Variants in GPI observed in about 807,000 individuals in gnomAD.
GPI encodes the protein glucose-6-phosphate isomerase.
In GPI, 56 loss-of-function variants were observed where a neutral mutation model predicts 75.8. That is an observed-to-expected ratio of 0.74 (90% CI 0.60 to 0.92). The LOEUF is 0.92. GPI is among the 40% of genes least tolerant of loss of function. GPI has a pLI of 0.00. For missense variants in GPI, 638 were observed against 741.0 expected (o/e 0.86, Z 1.61); for synonymous variants, 288 against 285.4 (o/e 1.01, Z -0.09).
chr19:34,360,774 T>A (rs1321741969), upstream of GPI, among the ~76,000 whole-genome samples: 1 of 152,080 alleles, frequency 6.6e-6, no homozygotes, highest in East Asian at 1.9e-4. Context: ...TTGTTTCATA[T>A]TTCTTTCTTT....
At chr19:34,377,076 G>A (rs1279336011) in intron 4 of GPI, among the ~76,000 whole-genome samples, 2 of 151,538 alleles carry the variant, frequency 1.3e-5, no homozygotes, top group Admixed American at 6.6e-5. Context: ...GCTGAGGCGG[G>A]CAGATCACAG....
At chr19:34,386,725 ATCTC>A (rs1269717192) in intron 9 of GPI, among the ~76,000 whole-genome samples, 2 of 152,202 alleles carry the variant, frequency 1.3e-5, no homozygotes, top group African/African-American at 4.8e-5. Context: ...AGGTAGATGT[ATCTC>A]TCTCAAGCAA....
upstream of GPI, among the ~76,000 whole-genome samples, chr19:34,361,016 G>A (rs181461684): frequency 1.2e-4 from 19 of 152,130 alleles, no homozygotes; most frequent in Middle Eastern, 0.01. Context: ...GGCTTCAAGT[G>A]ATCCACCTGC....
Position 34,393,267 on chromosome 19 carries a change from C to G in GPI, c.824C>G (p.Ser275Trp). Residue 275 changes from serine to tryptophan, a missense_variant, in exon 10 of 18, where the codon TCG becomes TGG. Transcript: ENST00000356487. The surrounding 1 kb of genome is among the most constrained non-coding windows in gnomAD (Gnocchi z 4.4). ...EFWDWVGGRY[S>W]LWSAIGLSIA... ...TCCTAGTGGGTGGGAGGACGCTACT[C>G]GCTGTGGTCGGCCATCGGACTCTCC... 6.2e-7 allele frequency: 1 copy of G among 1,613,338 alleles called. No homozygotes were observed. Among genetic ancestry groups the G allele is most frequent in the South Asian group, 1.1e-5 (1 of 91,066 alleles).
intron 4 of GPI, among the ~76,000 whole-genome samples, chr19:34,373,375 C>G (rs546965656): frequency 1.3e-5 from 2 of 148,190 alleles, no homozygotes; most frequent in South Asian, 4.2e-4. Flanking sequence ...GGTGACAGAG[C>G]GAGACTCTGT....
chr19:34,393,455 C>T lies in GPI; in HGVS notation c.865+147C>T. The T allele has an allele frequency of 1.2e-6, 1 of 801,694 alleles. No homozygotes were observed. The highest frequency in any genetic ancestry group is 1.4e-5 in the South Asian group (1 of 71,170). The allele number at this position is 801,694 out of a possible 1,614,324, so 49.7% of individuals were successfully genotyped here. A position where few individuals can be genotyped will look rare whatever the true frequency, so the allele number is the denominator to read the frequency against. On this transcript the variant is annotated intron_variant, in intron 10 of 17. Transcript: ENST00000356487. The surrounding 1 kb of genome is among the most constrained non-coding windows in gnomAD (Gnocchi z 4.4). ...CTGGCTGGGATATTTATTTCATGTC[C>T]AGAAGGAAGGTCTGGGTTTTTTTGC...
Position 34,396,566 on chromosome 19 carries a change from C to T in GPI, c.1193-15C>T. 1 of 1,613,778 alleles carries T rather than the reference C, an allele frequency of 6.2e-7. No individual in the cohort carries two copies. Among genetic ancestry groups the T allele is most frequent in the Non-Finnish European group, 8.5e-7 (1 of 1,179,612 alleles). ...TGGGCTGGGGTCATGTGGGTGACCACAGTGCCCTTCACAGGCACCAAGATG... is the reference window on the plus strand; with the variant it reads ...TGGGCTGGGGTCATGTGGGTGACCATAGTGCCCTTCACAGGCACCAAGATG... On this transcript the variant is annotated splice_polypyrimidine_tract_variant and intron_variant, in intron 13 of 17. Coordinates refer to ENST00000356487, the MANE Select transcript of GPI (RefSeq NM_000175.5).
At chr19:34,382,299 T>C (rs2074667067) in intron 9 of GPI, among the ~76,000 whole-genome samples, 1 of 152,166 alleles carries the variant, frequency 6.6e-6, no homozygotes, top group Non-Finnish European at 1.5e-5. Flanking sequence ...TGGGGCTGTC[T>C]CCAGGCATTT....
In GPI at chr19:34,396,697, C is replaced by T. The variant is rs550420276; in HGVS notation, c.1269+40C>T. 3.0e-4 allele frequency: 450 copies of T among 1,515,830 alleles called. 2 individuals are homozygous for T. Among genetic ancestry groups the T allele is most frequent in the Middle Eastern group, 2.7e-3 (16 of 5,876 alleles). 93.9% of individuals were successfully genotyped at this position (1,515,830 alleles called of 1,614,324 possible). A position where few individuals can be genotyped will look rare whatever the true frequency, so the allele number is the denominator to read the frequency against. On this transcript the variant is annotated intron_variant, in intron 14 of 17. Transcript: ENST00000356487. ...CTGGCCCCATCTGGGGGGTCTGGCT[C>T]ACATTGCACCCAGACCTCTGAAAAC...
intron 9 of GPI, among the ~76,000 whole-genome samples, chr19:34,387,935 G>T (rs2074762710): frequency 6.6e-6 from 1 of 152,186 alleles, no homozygotes; most frequent in East Asian, 1.9e-4. Context: ...ACAATTAGGT[G>T]AGTAGTGTGG....
intron 12 of GPI, among the ~76,000 whole-genome samples, chr19:34,395,500 C>G (rs1568348601): frequency 6.6e-6 from 1 of 152,172 alleles, no homozygotes; most frequent in Non-Finnish European, 1.5e-5. Flanking sequence ...AATGATTCTA[C>G]CACTGTACTC....
At chr19:34,371,427 G>A (rs2074450849) in intron 4 of GPI, among the ~76,000 whole-genome samples, 1 of 152,178 alleles carries the variant, frequency 6.6e-6, no homozygotes, top group Non-Finnish European at 1.5e-5. Context: ...AGGGATTAGG[G>A]AGCTATAGTT....
At chr19:34,379,990 G>GT (rs953154032) in intron 8 of GPI, 1,993 of 102,376 alleles carry the variant, frequency 0.019, 49 homozygotes, top group South Asian at 0.039. Flanking sequence ...GTGTGGTTTT[G>GT]TTTTTTTTTT....
intron 6 of GPI, 48 bp from the exon 7 acceptor site, chr19:34,378,886 C>T (rs1482555599): frequency 2.8e-6 from 4 of 1,440,740 alleles, no homozygotes; most frequent in South Asian, 1.1e-5. Flanking sequence ...TCAAGGCCTG[C>T]ACCCACCCCT....
chr19:34,381,919 T>C (rs1339239748), intron 9 of GPI, among the ~76,000 whole-genome samples: 2 of 152,060 alleles, frequency 1.3e-5, no homozygotes, highest in East Asian at 3.9e-4. Flanking sequence ...CGGGTAGGCC[T>C]GGAAAGGAGC....
At chr19:34,383,149 C>T (rs559253080) in intron 9 of GPI, among the ~76,000 whole-genome samples, 23 of 152,190 alleles carry the variant, frequency 1.5e-4, no homozygotes, top group African/African-American at 4.8e-4. Flanking sequence ...CGGGATCAGG[C>T]AGGGGTGTGG....
At chr19:34,392,027 T>TGG (rs2074850856) in intron 9 of GPI, among the ~76,000 whole-genome samples, 1 of 2,330 alleles carries the variant, frequency 4.3e-4, no homozygotes, top group African/African-American at 1.3e-3. Flanking sequence ...ATCTGGGTCT[T>TGG]TCAATGTCTG....
intron 6 of GPI, 45 bp downstream of exon 6, chr19:34,377,926 G>C (rs1464457570): frequency 1.9e-6 from 3 of 1,601,510 alleles, no homozygotes; most frequent in Non-Finnish European, 2.6e-6. Flanking sequence ...TGTGTGTGTT[G>C]GGGTGGGGAG....
Position 34,400,723 on chromosome 19 carries a change from A to G in GPI, c.*687A>G, listed in dbSNP as rs116221805. ...AGTTCTTTTGCTTTAAAAGGCAGAT[A>G]TTGAAAACTGGAATTTTTTTTTTTT... On this transcript the variant is annotated 3_prime_UTR_variant, in exon 18 of 18. Transcript: ENST00000356487. 1.8e-3 allele frequency: 704 copies of G among 400,238 alleles called. 4 individuals are homozygous for G. The highest frequency in any genetic ancestry group is 0.013 in the African/African-American group (645 of 48,668). The allele number at this position is 400,238 out of a possible 1,614,324, so 24.8% of individuals were successfully genotyped here. A position where few individuals can be genotyped will look rare whatever the true frequency, so the allele number is the denominator to read the frequency against.
Sources: allele counts gnomAD v4.1 joint callset (sites outside exome capture counted in the v4.1 genomes callset), GRCh38; gene constraint gnomAD v4.1.1; non-coding constraint Gnocchi (gnomAD v3.1); transcripts MANE v1.5; gene names NCBI Gene and HGNC (gene_info 2026-07-23, HGNC 2026-07-21).